Variants in EBF2 observed in about 807,000 individuals in gnomAD.
EBF2 encodes transcription factor COE2.
In EBF2, 21 loss-of-function variants were observed where a neutral mutation model predicts 72.8. The observed-to-expected ratio is 0.29, with a 90% CI of 0.20 to 0.42. The LOEUF is 0.42. EBF2 is among the 10% of genes least tolerant of loss of function. The probability of loss-of-function intolerance (pLI) is 1.00; values close to 1 mark genes in which losing one functional copy is unlikely to be tolerated. For missense variants in EBF2, 637 were observed against 731.2 expected (o/e 0.87, Z 1.49); for synonymous variants, 299 against 274.2 (o/e 1.09, Z -0.89).
At chr8:25,917,195 TG>T (rs202148385) in intron 6 of EBF2, among the ~76,000 whole-genome samples, 3 of 108,996 alleles carry the variant, frequency 2.8e-5, no homozygotes, top group African/African-American at 6.1e-5. Flanking sequence ...GTTTGTGGTT[TG>T]GGGTTTTTTT....
chr8:25,866,458 A>G (rs914898551), intron 10 of EBF2, among the ~76,000 whole-genome samples: 28 of 143,210 alleles, frequency 2.0e-4, no homozygotes, highest in Non-Finnish European at 1.8e-4. Context: ...ATATATATAT[A>G]TAATATATAG....
intron 10 of EBF2, among the ~76,000 whole-genome samples, chr8:25,883,291 C>T (rs1296241188): frequency 6.6e-6 from 1 of 152,168 alleles, no homozygotes; most frequent in African/African-American, 2.4e-5. Context: ...TCAGCTATTG[C>T]TACCTCCTCT....
At chr8:25,871,979 C>T (rs1802446541) in intron 10 of EBF2, among the ~76,000 whole-genome samples, 1 of 151,124 alleles carries the variant, frequency 6.6e-6, no homozygotes, top group Non-Finnish European at 1.5e-5. Flanking sequence ...AAAAAGCTGG[C>T]TGGTGCTCAA....
chr8:25,910,299 T>G (rs554606217), intron 6 of EBF2, among the ~76,000 whole-genome samples: 1 of 152,316 alleles, frequency 6.6e-6, no homozygotes, highest in Non-Finnish European at 1.5e-5. Flanking sequence ...AAATATTGCC[T>G]TTTCCCACTT....
At chr8:25,938,571 G>C (rs1803618280) in intron 6 of EBF2, among the ~76,000 whole-genome samples, 1 of 152,084 alleles carries the variant, frequency 6.6e-6, no homozygotes, top group Non-Finnish European at 1.5e-5. Flanking sequence ...CAGAAATCAT[G>C]ATAAGATTTT....
intron 6 of EBF2, among the ~76,000 whole-genome samples, chr8:25,930,466 A>G (rs1803461143): frequency 6.6e-6 from 1 of 152,124 alleles, no homozygotes; most frequent in African/African-American, 2.4e-5. Context: ...TGCTACATAA[A>G]TGTTACCACC....
At chr8:25,980,642 C>G (rs1428381435) in intron 6 of EBF2, among the ~76,000 whole-genome samples, 1 of 152,020 alleles carries the variant, frequency 6.6e-6, no homozygotes, top group East Asian at 1.9e-4. Context: ...GAAGAAAGCA[C>G]TGAAGACTCA....
At chr8:26,033,332 C>G (rs182905014) in intron 5 of EBF2, among the ~76,000 whole-genome samples, 179 bp from the exon 6 acceptor site, 1 of 152,288 alleles carries the variant, frequency 6.6e-6, no homozygotes, top group African/African-American at 2.4e-5. Context: ...TGGGTTCAAG[C>G]AATTCTCCTG....
chr8:26,035,776 A>C (rs780570153), intron 5 of EBF2, among the ~76,000 whole-genome samples: 1 of 152,196 alleles, frequency 6.6e-6, no homozygotes, highest in African/African-American at 2.4e-5. Flanking sequence ...AAATTATATT[A>C]GGTCTTAACT....
At chr8:25,932,255 C>G (rs1585199557) in intron 6 of EBF2, among the ~76,000 whole-genome samples, 1 of 151,910 alleles carries the variant, frequency 6.6e-6, no homozygotes, top group Admixed American at 6.6e-5. Context: ...GATAAGTGAT[C>G]ATTAGGACCC....
chr8:25,858,590 A>G (rs1802144852), intron 13 of EBF2, 86 bp from the exon 14 acceptor site: 6 of 1,340,580 alleles, frequency 4.5e-6, no homozygotes, highest in African/African-American at 1.5e-5. Context: ...CATTGGCCCC[A>G]GACTGCAGAA....
intron 7 of EBF2, among the ~76,000 whole-genome samples, chr8:25,897,213 CT>C (rs927617811): frequency 2.5e-4 from 36 of 142,270 alleles, no homozygotes; most frequent in African/African-American, 4.2e-4. Context: ...GTGCTCTTTT[CT>C]TTTTTTTTAA....
chr8:25,944,966 C>G (rs1190407601), intron 6 of EBF2, among the ~76,000 whole-genome samples: 1 of 151,966 alleles, frequency 6.6e-6, no homozygotes, highest in Non-Finnish European at 1.5e-5. Context: ...TTGTTTAACC[C>G]TCTGGGCTTT....
chr8:25,956,782 T>G (rs1803955729), intron 6 of EBF2, among the ~76,000 whole-genome samples: 1 of 152,206 alleles, frequency 6.6e-6, no homozygotes, highest in South Asian at 2.1e-4. Flanking sequence ...CACCATCCAC[T>G]CCTCACCTAA....
chr8:25,986,024 A>AAAAAAAAAAAAAAAAT (rs1804448879), intron 6 of EBF2, among the ~76,000 whole-genome samples: 1 of 144,218 alleles, frequency 6.9e-6, no homozygotes, highest in African/African-American at 2.5e-5. Context: ...AAAAAAAAAA[A>AAAAAAAAAAAAAAAAT]AGTACATGAG....
At position 25,955,447 on chromosome 8, in the gene EBF2, A is replaced by G. The variant is rs145019190; in HGVS notation, c.552-46892T>C. ...GCATTATGTATTTTGTGAGACTCTA[A>G]GCATTTTAGAGGGGCCTAAAAATTA... On this transcript the variant is annotated intron_variant, in intron 6 of 15. Coordinates refer to ENST00000520164, the MANE Select transcript of EBF2 (RefSeq NM_022659.4). 2.0e-5 allele frequency among the ~76,000 whole-genome samples: 3 copies of G among 152,314 alleles called. No individual in the cohort carries two copies. The East Asian group carries it at 5.8e-4, about 29-fold the overall frequency.
At chr8:25,922,651 A>G (rs1297806527) in intron 6 of EBF2, among the ~76,000 whole-genome samples, 1 of 152,256 alleles carries the variant, frequency 6.6e-6, no homozygotes, top group African/African-American at 2.4e-5. Context: ...AGTTGCATCT[A>G]GTCCCCAAAA....
chr8:26,030,696 A>G (rs1053436015), intron 6 of EBF2, among the ~76,000 whole-genome samples: 12 of 152,234 alleles, frequency 7.9e-5, no homozygotes, highest in African/African-American at 2.7e-4. Context: ...CCATGTGTAG[A>G]CATGCAACAT....
intron 10 of EBF2, among the ~76,000 whole-genome samples, chr8:25,872,727 A>G (rs1419616438): frequency 6.6e-6 from 1 of 152,220 alleles, no homozygotes; most frequent in Non-Finnish European, 1.5e-5. Flanking sequence ...CCTTAAATCT[A>G]TATAATGTGA....
Sources: allele counts gnomAD v4.1 joint callset (sites outside exome capture counted in the v4.1 genomes callset), GRCh38; gene constraint gnomAD v4.1.1; transcripts MANE v1.5; gene names NCBI Gene and HGNC (gene_info 2026-07-23, HGNC 2026-07-21).